The following GOLIM4 variants were observed in gnomAD, a reference collection of about 807,000 sequenced individuals.
GOLIM4 encodes the protein golgi integral membrane protein 4, also known as 130 kDa golgi-localized phosphoprotein.
Under a neutral mutation model 107.4 loss-of-function variants are expected in GOLIM4, and 71 were observed. The observed-to-expected ratio is 0.66, with a 90% CI of 0.55 to 0.81. The LOEUF (loss-of-function observed/expected upper bound fraction) is 0.81, where lower values mean the gene tolerates loss of function less well. GOLIM4 is among the 30% of genes least tolerant of loss of function. GOLIM4 has a pLI of 0.00. For synonymous variants in GOLIM4, 327 were observed against 294.8 expected (o/e 1.11, Z -1.12); for missense variants, 830 against 826.1 (o/e 1.00, Z -0.06).
At chr3:168,054,347 CCTCT>C (rs1719820723) in intron 1 of GOLIM4, among the ~76,000 whole-genome samples, 2 of 152,192 alleles carry the variant, frequency 1.3e-5, no homozygotes, top group African/African-American at 4.8e-5. Flanking sequence ...ACCCCAGCAG[CCTCT>C]CTGTTAGGCT....
rs1313526213 is a variant in GOLIM4 at position 168,041,050 on chromosome 3, T to C, written c.601-181A>G. On this transcript the variant is annotated intron_variant, in intron 6 of 15. Coordinates refer to ENST00000470487, the MANE Select transcript of GOLIM4 (RefSeq NM_014498.5). The stretch of plus-strand genomic sequence containing the variant: ...ACGCTTTATGTAGTATTCCAAAATC[T>C]AAAACGTGCTACCCAAATATCATAA... The C allele has an allele frequency of 9.6e-6, 5 of 518,628 alleles. No homozygotes were observed. The East Asian group carries it at 1.5e-4, about 16-fold the overall frequency. The allele number at this position is 518,628 out of a possible 1,614,324, so 32.1% of individuals were successfully genotyped here.
At chr3:168,067,676 A>G (rs560915723) in intron 1 of GOLIM4, among the ~76,000 whole-genome samples, 3 of 152,278 alleles carry the variant, frequency 2.0e-5, no homozygotes, top group African/African-American at 7.2e-5. Flanking sequence ...TAGAGTTAAT[A>G]AAAGTAATTA....
intron 3 of GOLIM4, among the ~76,000 whole-genome samples, chr3:168,046,531 A>G (rs574384525): frequency 6.6e-6 from 1 of 152,318 alleles, no homozygotes; most frequent in South Asian, 2.1e-4. Flanking sequence ...TTCAAGTAAA[A>G]TATTTTTAAA....
chr3:168,038,711 A>G (rs1577527173), intron 7 of GOLIM4, among the ~76,000 whole-genome samples: 1 of 152,378 alleles, frequency 6.6e-6, no homozygotes, highest in South Asian at 2.1e-4. Flanking sequence ...TGAGAAATGC[A>G]GGTGCCTGAA....
At chr3:168,055,401 C>G (rs1432223933) in intron 1 of GOLIM4, among the ~76,000 whole-genome samples, 1 of 152,198 alleles carries the variant, frequency 6.6e-6, no homozygotes, top group African/African-American at 2.4e-5. Context: ...AGCAAAGAGA[C>G]TGACGGCATT....
At chr3:168,053,536 A>C (rs1376424673) in intron 1 of GOLIM4, among the ~76,000 whole-genome samples, 1 of 152,246 alleles carries the variant, frequency 6.6e-6, no homozygotes, top group African/African-American at 2.4e-5. Context: ...TGCTTTTGAT[A>C]ATTGTGATTG....
chr3:168,043,518 C>T lies in GOLIM4; in HGVS notation c.378G>A (p.Glu126=), dbSNP rs1719138723. The change falls in exon 5 of 16, where the codon GAG becomes GAA. Residue 126 remains glutamate (E), a synonymous_variant. Transcript: ENST00000470487. ...VQHQMLKSQH[E]ELKKQHSDLE... ...AGTCACTGTGCTGTTTCTTTAGCTC[C>T]TCGTGTTGGCTCTGCAAAGATGAAA... 1 of 1,604,870 alleles carries T rather than the reference C, an allele frequency of 6.2e-7. No homozygotes were observed. The highest frequency in any genetic ancestry group is 8.5e-7 in the Non-Finnish European group (1 of 1,177,618).
chr3:168,044,741 T>C (rs987529116), intron 4 of GOLIM4, 87 bp downstream of exon 4: 1 of 754,348 alleles, frequency 1.3e-6, no homozygotes, highest in African/African-American at 1.8e-5. Flanking sequence ...CTGTAAACTT[T>C]CTTTAATCAC....
intron 1 of GOLIM4, among the ~76,000 whole-genome samples, chr3:168,087,908 T>C (rs1721707171): frequency 6.6e-6 from 1 of 152,220 alleles, no homozygotes; most frequent in Admixed American, 6.5e-5. Context: ...GGATTAAAAA[T>C]AATTTAATTT....
At chr3:168,065,491 T>C (rs1720502564) in intron 1 of GOLIM4, among the ~76,000 whole-genome samples, 2 of 152,196 alleles carry the variant, frequency 1.3e-5, no homozygotes, top group African/African-American at 4.8e-5. Context: ...AGGCTCTCTT[T>C]TTCTGTATGT....
chr3:168,060,100 G>GTTT (rs111922454), intron 1 of GOLIM4, among the ~76,000 whole-genome samples: 4 of 145,662 alleles, frequency 2.7e-5, no homozygotes, highest in Non-Finnish European at 1.5e-5. Context: ...CCATTAGAGA[G>GTTT]TTTTTTTTTT....
intron 6 of GOLIM4, 95 bp from the exon 7 acceptor site, chr3:168,040,964 T>C (rs1432291920): frequency 1.3e-6 from 1 of 762,644 alleles, no homozygotes; most frequent in Non-Finnish European, 2.3e-6. Context: ...TGTTACTTGC[T>C]TGTTTATTTG....
chr3:168,037,825 G>A lies in GOLIM4; in HGVS notation c.685-831C>T, dbSNP rs78973348. 7.0e-4 allele frequency among the ~76,000 whole-genome samples: 107 copies of A among 152,352 alleles called. 2 individuals carry two copies. In the East Asian group the frequency reaches 0.017, roughly 24 times the overall value. ...AATTAACAAAATCAAGAGGCATTGT[G>A]TATACTTTGCTCATTCTATACACCA... On this transcript the variant is annotated intron_variant, in intron 7 of 15. Transcript: ENST00000470487.
At chr3:168,046,819 AG>A (rs398052621) in intron 3 of GOLIM4, 130 bp downstream of exon 3, 3 of 439,982 alleles carry the variant, frequency 6.8e-6, no homozygotes, top group Admixed American at 4.6e-5. Flanking sequence ...AAAAAAAAAA[AG>A]GGGGTGTCAG....
intron 14 of GOLIM4, among the ~76,000 whole-genome samples, chr3:168,015,778 CA>C (rs1234214822): frequency 1.5e-5 from 2 of 133,254 alleles, no homozygotes; most frequent in Non-Finnish European, 3.0e-5. Context: ...CTGAGAAAAA[CA>C]AGCAATGGGG....
chr3:168,080,169 G>T (rs549897739), intron 1 of GOLIM4, among the ~76,000 whole-genome samples: 1 of 152,078 alleles, frequency 6.6e-6, no homozygotes, highest in Non-Finnish European at 1.5e-5. Flanking sequence ...TTAGAGCTGC[G>T]GAGATCTTCT....
intron 1 of GOLIM4, among the ~76,000 whole-genome samples, chr3:168,093,933 C>A (rs1312887914): frequency 6.6e-6 from 1 of 152,216 alleles, no homozygotes; most frequent in Non-Finnish European, 1.5e-5. Flanking sequence ...TGTTTCATAT[C>A]TGCACACACA....
At position 168,010,413 on chromosome 3, in the gene GOLIM4, A is replaced by G. The variant is rs764879993; in HGVS notation, c.1947T>C (p.Asp649=). The G allele has an allele frequency of 2.5e-6, 4 of 1,596,166 alleles. No homozygotes were observed. The highest frequency in any genetic ancestry group is 3.4e-5 in the Admixed American group (2 of 59,306). Residue 649 remains aspartate (D), a synonymous_variant, in exon 16 of 16, where the codon GAT becomes GAC. Coordinates refer to ENST00000470487, the MANE Select transcript of GOLIM4 (RefSeq NM_014498.5). ...GCTCTTCTCCATCATTATTTTTATC[A>G]TCAGTCTTAAAATTAAAAGAAAAAA... ...ETYGENDENT[D]DKNNDGEEQE...
At chr3:168,053,711 A>T (rs1037396052) in intron 1 of GOLIM4, among the ~76,000 whole-genome samples, 1 of 152,224 alleles carries the variant, frequency 6.6e-6, no homozygotes, top group Non-Finnish European at 1.5e-5. Context: ...CTAAATCACC[A>T]GAGGTGGGGT....
Sources: allele counts gnomAD v4.1 joint callset (sites outside exome capture counted in the v4.1 genomes callset), GRCh38; gene constraint gnomAD v4.1.1; transcripts MANE v1.5; gene names NCBI Gene and HGNC (gene_info 2026-07-23, HGNC 2026-07-21).